Variants in ZNF512B observed in about 807,000 individuals in gnomAD.
ZNF512B encodes zinc finger protein 512B.
Under a neutral mutation model 87.8 loss-of-function variants are expected in ZNF512B, and 22 were observed. The ratio of observed to expected loss-of-function variants is 0.25; its 90% CI spans 0.18 to 0.36. The LOEUF is 0.36. ZNF512B is among the 10% of genes least tolerant of loss of function. The pLI, the probability that ZNF512B is intolerant of heterozygous loss-of-function variation, is 1.00. For synonymous variants in ZNF512B, 524 were observed against 490.9 expected, an observed-to-expected ratio of 1.07 and a Z score of -0.89; for missense variants, 1,060 against 1,231.6, an observed-to-expected ratio of 0.86 and a Z score of 2.09.
rs1036664364 is a variant in ZNF512B, at chr20:63,959,620, A to T, written c.*268T>A. 7 of 489,170 alleles carry T rather than the reference A, an allele frequency of 1.4e-5. No homozygotes were observed. The highest frequency in any genetic ancestry group is 1.8e-5 in the Non-Finnish European group (5 of 281,326). The allele number at this position is 489,170 out of a possible 1,614,324, so 30.3% of individuals were successfully genotyped here. On this transcript the variant is annotated 3_prime_UTR_variant, in exon 17 of 17. Coordinates refer to ENST00000369888, the MANE Select transcript of ZNF512B (RefSeq NM_020713.3). Reference sequence around the variant, plus strand: ...CCCCTGTGGCACCAAGACCCCAGACACATTCCCATGAGGAGGGGCAACCCT... The same window carrying T: ...CCCCTGTGGCACCAAGACCCCAGACTCATTCCCATGAGGAGGGGCAACCCT...
At position 63,966,308 on chromosome 20, in the gene ZNF512B, C is replaced by A. The variant is rs747133747; in HGVS notation, c.867G>T (p.Pro289=). The A allele has an allele frequency of 1.9e-6, 3 of 1,593,930 alleles. No homozygotes were observed. The highest frequency in any genetic ancestry group is 1.3e-5 in the African/African-American group (1 of 74,234). Residue 289 remains proline, a synonymous_variant, in exon 5 of 17, where the codon CCG becomes CCT. Transcript: ENST00000369888. The stretch of plus-strand genomic sequence containing the variant: ...TGCTGACTGTCACTGGCTTGGTGAC[C>A]GGCACGGGTTTCGTAACTGTCACAA... The part of the protein sequence containing the change: ...TKLVTVTKPV[P]VTKPVTVSRP...
chr20:63,968,315 C>T (rs2058948687), intron 1 of ZNF512B, among the ~76,000 whole-genome samples: 1 of 152,226 alleles, frequency 6.6e-6, no homozygotes, highest in Admixed American at 6.5e-5. Context: ...TGATGCACTC[C>T]TACCCAGTGC....
At chr20:63,962,152 G>A in intron 14 of ZNF512B, 121 bp downstream of exon 14, 2 of 1,293,380 alleles carry the variant, frequency 1.5e-6, no homozygotes, top group Non-Finnish European at 2.1e-6. Flanking sequence ...GGCATGTGAG[G>A]CCTGGGGTGG....
rs757563173 is a variant in ZNF512B at position 63,961,449 on chromosome 20, C to T, written c.2329-42G>A. On this transcript the variant is annotated intron_variant, in intron 15 of 16. Coordinates refer to ENST00000369888, the MANE Select transcript of ZNF512B (RefSeq NM_020713.3). This position sits in a 1 kb window ranked among gnomAD's most constrained non-coding sequence, Gnocchi z 6.4. ...GGCCAGTGCCCCAGCCCTTGGAGGACCCAGATCTGTCCTAAGCCCCTACTC... is the reference window on the plus strand; with the variant it reads ...GGCCAGTGCCCCAGCCCTTGGAGGATCCAGATCTGTCCTAAGCCCCTACTC... 5.8e-6 allele frequency: 9 copies of T among 1,558,936 alleles called. No individual in the cohort carries two copies. In the Admixed American group the frequency reaches 1.2e-4, roughly 21 times the overall value.
chr20:63,963,044 CACACGGCACACAGGAACAA>C, intron 12 of ZNF512B, 32 bp downstream of exon 12: 3 of 1,489,064 alleles, frequency 2.0e-6, no homozygotes, highest in Non-Finnish European at 8.9e-7. Context: ...ACACGGAACA[CACACGGCACACAGGAACAA>C]GCACTGTGCC....
At chr20:63,963,480 C>A (rs750642626) in intron 10 of ZNF512B, 40 bp from the exon 11 acceptor site, 1 of 1,546,980 alleles carries the variant, frequency 6.5e-7, no homozygotes, top group East Asian at 2.4e-5. Flanking sequence ...GCACCATCGC[C>A]ACGGAGCCCT....
Position 63,963,789 on chromosome 20 carries a change from C to G in ZNF512B, c.1605G>C (p.Lys535Asn). The G allele has an allele frequency of 2.5e-6, 4 of 1,612,994 alleles. No individual in the cohort carries two copies. Among genetic ancestry groups the G allele is most frequent in the Non-Finnish European group, 2.5e-6 (3 of 1,179,970 alleles). The change falls in exon 9 of 17, where the codon AAG becomes AAC. Residue 535 changes from lysine to asparagine, a missense_variant and splice_region_variant. Physicochemically the swap from Lys to Asn is moderately conservative, Grantham distance 94. This residue lies in a region of ZNF512B where 37 missense variants were observed against 72.6 expected (regional missense o/e 0.51). Transcript: ENST00000369888. Reference protein sequence around the residue: ...GLKKHMEVCQKLQDALKCQHC... With the variant: ...GLKKHMEVCQNLQDALKCQHC... ...CAGCGCCTTCCGGGAGCTGCCTTAC[C>G]TTCTGACACACCTCCATGTGCTTCT...
rs1393122724 is a variant in ZNF512B at position 63,957,087 on chromosome 20, CG to C, written c.*2800del. 3 of 152,500 alleles carry C rather than the reference CG, an allele frequency of 2.0e-5. No individual in the cohort carries two copies. Among genetic ancestry groups the C allele is most frequent in the Admixed American group, 6.5e-5 (1 of 15,290 alleles). 9.4% of individuals were successfully genotyped at this position (152,500 alleles called of 1,614,324 possible). On this transcript the variant is annotated 3_prime_UTR_variant, in exon 17 of 17. Coordinates refer to ENST00000369888, the MANE Select transcript of ZNF512B (RefSeq NM_020713.3). ...CTGGGGCCCCGCCAAACGCGGCACA[CG>C]GGGACGGCCCCTCCCGGGGTCAGGC... is the stretch of plus-strand genomic sequence containing the variant.
chr20:63,963,170 G>T lies in ZNF512B; in HGVS notation c.1893C>A (p.Pro631=), dbSNP rs746329992. The change falls in exon 12 of 17, where the codon CCC becomes CCA. Residue 631 remains proline (P), a synonymous_variant. Coordinates refer to ENST00000369888, the MANE Select transcript of ZNF512B (RefSeq NM_020713.3). ...GGTACGTCTTGCCACAGTGGGTGCA[G>T]GGGAAGGAGGGGCTGTCCACCTCGC... ...PPCEVDSPSF[P]CTHCGKTYRS... 4.5e-6 allele frequency: 7 copies of T among 1,548,332 alleles called. No individual in the cohort carries two copies. Among genetic ancestry groups the T allele is most frequent in the Middle Eastern group, 1.7e-4 (1 of 5,998 alleles).
In ZNF512B at chr20:63,959,715, A is replaced by AT; in HGVS notation, c.*172_*173insA. On this transcript the variant is annotated 3_prime_UTR_variant, in exon 17 of 17. Transcript: ENST00000369888. ...CCCAGGTGTGCCCTGTGGCAGCCTT[A>AT]ACAGGGGAAGGGCCACCTTCAGGGA... is the stretch of plus-strand genomic sequence containing the variant. The AT allele has an allele frequency of 9.6e-7, 1 of 1,046,052 alleles. No homozygotes were observed. The highest frequency in any genetic ancestry group is 1.3e-6 in the Non-Finnish European group (1 of 750,304). The allele number at this position is 1,046,052 out of a possible 1,614,324, so 64.8% of individuals were successfully genotyped here.
intron 1 of ZNF512B, chr20:63,969,105 A>T (rs2058955375): frequency 1.0e-6 from 1 of 985,406 alleles, no homozygotes; most frequent in Non-Finnish European, 1.2e-6. Flanking sequence ...GTGTCCGGGG[A>T]CAAAGTTCTC....
Position 63,963,881 on chromosome 20 carries a change from G to A in ZNF512B, c.1513C>T (p.His505Tyr). The A allele has an allele frequency of 1.2e-6, 2 of 1,612,080 alleles. No individual in the cohort carries two copies. Among genetic ancestry groups the A allele is most frequent in the Non-Finnish European group, 1.7e-6 (2 of 1,180,024 alleles). Residue 505 changes from histidine to tyrosine, a missense_variant, in exon 9 of 17, where the codon CAT becomes TAT. This residue lies in a region of ZNF512B where 212 missense variants were observed against 207.6 expected (regional missense o/e 1.02). Coordinates refer to ENST00000369888, the MANE Select transcript of ZNF512B (RefSeq NM_020713.3). ...GGGCAGACGGCTTCCCCGCGCTCAT[G>A]GATGGCCCTCTGCCACTGCTCTTCA... Reference protein sequence around the residue: ...GPEEQWQRAIHERGEAVCPTC... With the variant: ...GPEEQWQRAIYERGEAVCPTC...
At position 63,961,272 on chromosome 20, in the gene ZNF512B, A is replaced by G; in HGVS notation, c.2427+37T>C. 1 of 1,598,904 alleles carries G rather than the reference A, an allele frequency of 6.3e-7. No individual in the cohort carries two copies. Among genetic ancestry groups the G allele is most frequent in the Non-Finnish European group, 8.5e-7 (1 of 1,170,612 alleles). ...CCCCAGCCCTGTCCCCTCCTGGGCT[A>G]GCCCCCAGCCACAGGCCCTGGTGAT... On this transcript the variant is annotated intron_variant, in intron 16 of 16. Coordinates refer to ENST00000369888, the MANE Select transcript of ZNF512B (RefSeq NM_020713.3). The surrounding 1 kb of genome is among the most constrained non-coding windows in gnomAD (Gnocchi z 6.4).
chr20:63,964,477 G>A lies in ZNF512B; in HGVS notation c.1261+13C>T. On this transcript the variant is annotated intron_variant, in intron 6 of 16. Transcript: ENST00000369888. ...GCCTGCCCCGGCCGCCACCCCTGGA[G>A]CTCTCATCTTACTGTGCTTTGTGCG... 1 of 1,613,178 alleles carries A rather than the reference G, an allele frequency of 6.2e-7. No homozygotes were observed. Among genetic ancestry groups the A allele is most frequent in the Admixed American group, 1.7e-5 (1 of 60,018 alleles).
In ZNF512B at chr20:63,961,666, C is replaced by G. The variant is rs58287377; in HGVS notation, c.2329-259G>C. 1.3e-3 allele frequency among the ~76,000 whole-genome samples: 202 copies of G among 152,276 alleles called. No individual in the cohort carries two copies. Among genetic ancestry groups the G allele is most frequent in the African/African-American group, 3.1e-3 (130 of 41,550 alleles). On this transcript the variant is annotated intron_variant, in intron 15 of 16. Coordinates refer to ENST00000369888, the MANE Select transcript of ZNF512B (RefSeq NM_020713.3). This position sits in a 1 kb window ranked among gnomAD's most constrained non-coding sequence, Gnocchi z 6.4. The stretch of plus-strand genomic sequence containing the variant: ...CCCTTATTGTAAGCCAGTGTGCCAT[C>G]TGCGTGGGTCGGGGTGCCCACCCAT...
Position 63,961,490 on chromosome 20 carries a change from G to T in ZNF512B, c.2329-83C>A. On this transcript the variant is annotated intron_variant, in intron 15 of 16. Transcript: ENST00000369888. This position sits in a 1 kb window ranked among gnomAD's most constrained non-coding sequence, Gnocchi z 6.4. ...GCCCCTACTCATGGCTAAAGGGTCA[G>T]AGTCAGCGGTGGCCCAAGGAAAGCT... 1 of 1,337,470 alleles carries T rather than the reference G, an allele frequency of 7.5e-7. No individual in the cohort carries two copies. The highest frequency in any genetic ancestry group is 1.1e-6 in the Non-Finnish European group (1 of 945,626). 82.9% of individuals were successfully genotyped at this position (1,337,470 alleles called of 1,614,324 possible).
At chr20:63,962,870 A>G in intron 12 of ZNF512B, 89 bp from the exon 13 acceptor site, 1 of 1,350,642 alleles carries the variant, frequency 7.4e-7, no homozygotes, top group Non-Finnish European at 9.9e-7. Context: ...AGGCCGGTGG[A>G]CCCACAGGCC....
intron 1 of ZNF512B, among the ~76,000 whole-genome samples, chr20:63,968,514 C>T (rs1209603326): frequency 6.6e-6 from 1 of 152,174 alleles, no homozygotes; most frequent in Non-Finnish European, 1.5e-5. Context: ...CAATGCCAGC[C>T]TACCCAGGCA....
At position 63,963,613 on chromosome 20, in the gene ZNF512B, G is replaced by A. The variant is rs537499678; in HGVS notation, c.1698+5C>T. On this transcript the variant is annotated splice_donor_5th_base_variant and intron_variant, in intron 10 of 16. Transcript: ENST00000369888. ...GCTGGACGGGAGCTGGGGGCCCGAC[G>A]GTACCTTGGCACTGTGCTCGGCCAT... 3.1e-5 allele frequency: 50 copies of A among 1,613,354 alleles called. No individual in the cohort carries two copies. The Admixed American group carries it at 5.0e-4, about 16-fold the overall frequency.
Sources: gnomAD v4.1 joint callset for allele counts (sites outside exome capture counted in the v4.1 genomes callset) on GRCh38, gnomAD v4.1.1 for gene constraint, gnomAD v4.1.1 regional missense constraint, Gnocchi (gnomAD v3.1) non-coding constraint, MANE v1.5 for transcripts, NCBI Gene and HGNC (gene_info 2026-07-23, HGNC 2026-07-21) for gene names.